Variants in EBF3 observed in about 807,000 individuals in gnomAD.
The protein encoded by EBF3 is EBF transcription factor 3.
In EBF3, 18 loss-of-function variants were observed where a neutral mutation model predicts 77.1. The ratio of observed to expected loss-of-function variants is 0.23; its 90% CI spans 0.16 to 0.35. EBF3 has a LOEUF of 0.35. Among genes scored for constraint, EBF3 ranks in the 10% least tolerant of loss-of-function variants. The pLI is 1.00. For synonymous variants in EBF3, 350 were observed against 343.5 expected, an observed-to-expected ratio of 1.02 and a Z score of -0.21; for missense variants, 558 against 860.0, an observed-to-expected ratio of 0.65 and a Z score of 4.39.
intron 7 of EBF3, among the ~76,000 whole-genome samples, chr10:129,874,943 C>T (rs1052690168): frequency 2.0e-5 from 3 of 152,118 alleles, no homozygotes; most frequent in African/African-American, 7.2e-5. Flanking sequence ...CACGGGGGTA[C>T]ACGGGCGATC....
chr10:129,922,223 AT>A (rs1856363121), intron 6 of EBF3, among the ~76,000 whole-genome samples: 1 of 152,166 alleles, frequency 6.6e-6, no homozygotes, highest in South Asian at 2.1e-4. Context: ...GCCCTCCTCA[AT>A]TATCCGAAGT....
Position 129,896,248 on chromosome 10 carries a change from A to T in EBF3, c.555-18399T>A, listed in dbSNP as rs891743655. Among the ~76,000 whole-genome samples, 3 of 152,374 alleles carry T rather than the reference A, an allele frequency of 2.0e-5. No individual in the cohort carries two copies. In the East Asian group the frequency reaches 5.8e-4, roughly 29 times the overall value. ...TCGTCCAACTCTGCCAAAAAAACCC[A>T]GGCCGGCTGCCGGATGTCAGGTGGC... On this transcript the variant is annotated intron_variant, in intron 6 of 16. Transcript: ENST00000440978.
intron 5 of EBF3, among the ~76,000 whole-genome samples, chr10:129,958,173 CAATATGTCTGCTCAGAAAT>C (rs1564926235): frequency 6.6e-6 from 1 of 152,232 alleles, no homozygotes; most frequent in African/African-American, 2.4e-5. Context: ...AGTGCTGTAA[CAATATGTCTGCTCAGAAAT>C]GGCATTTAGG....
chr10:129,917,319 A>G (rs1272097630), intron 6 of EBF3, among the ~76,000 whole-genome samples: 3 of 152,192 alleles, frequency 2.0e-5, no homozygotes, highest in Non-Finnish European at 4.4e-5. Flanking sequence ...CAGTGAGCCA[A>G]ATTCACACCA....
chr10:129,868,662 C>T (rs1852201252), intron 8 of EBF3, among the ~76,000 whole-genome samples: 1 of 152,118 alleles, frequency 6.6e-6, no homozygotes, highest in South Asian at 2.1e-4. Flanking sequence ...GGGGAGGGGA[C>T]CAAGAGGCCA....
chr10:129,930,008 A>G (rs1002131425), intron 6 of EBF3, among the ~76,000 whole-genome samples: 5 of 152,122 alleles, frequency 3.3e-5, no homozygotes, highest in Non-Finnish European at 7.4e-5. Context: ...CCCGGAGAGA[A>G]CAAAAACAGA....
At chr10:129,852,267 C>T (rs1007300698) in intron 10 of EBF3, among the ~76,000 whole-genome samples, 3 of 152,214 alleles carry the variant, frequency 2.0e-5, no homozygotes, top group Non-Finnish European at 2.9e-5. Flanking sequence ...TGCATTAAGT[C>T]ATAACAGAAG....
chr10:129,909,795 A>G (rs1317645864), intron 6 of EBF3, among the ~76,000 whole-genome samples: 3 of 151,976 alleles, frequency 2.0e-5, no homozygotes, highest in African/African-American at 7.3e-5. Context: ...AGCAGCGCCC[A>G]CCCCTGGGCT....
At position 129,837,791 on chromosome 10, in the gene EBF3, CAA is replaced by C; in HGVS notation, c.*150_*151del. 1 of 974,556 alleles carries C rather than the reference CAA, an allele frequency of 1.0e-6. No individual in the cohort carries two copies. The allele number at this position is 974,556 out of a possible 1,614,324, so 60.4% of individuals were successfully genotyped here. A position where few individuals can be genotyped will look rare whatever the true frequency, so the allele number is the denominator to read the frequency against. Reference sequence around the variant, plus strand: ...TAATAGTTTAAATAAAATCTTTAAACAAAGTCTTTTGTAGCATTTCAATTGCT... The same window carrying C: ...TAATAGTTTAAATAAAATCTTTAAACAGTCTTTTGTAGCATTTCAATTGCT... On this transcript the variant is annotated 3_prime_UTR_variant, in exon 17 of 17. Transcript: ENST00000440978.
In EBF3 at chr10:129,907,744, G is replaced by A. The variant is rs1337865035; in HGVS notation, c.555-29895C>T. On this transcript the variant is annotated intron_variant, in intron 6 of 16. Coordinates refer to ENST00000440978, the MANE Select transcript of EBF3 (RefSeq NM_001375380.1). ...AGAGCCATAAAAACTGATAGACTGC[G>A]ATCGTGAATTATAAATTGGTATTGA... Among the ~76,000 whole-genome samples the A allele has an allele frequency of 3.3e-5, 5 of 152,304 alleles. No individual in the cohort carries two copies. The East Asian group carries it at 7.7e-4, about 23-fold the overall frequency.
At chr10:129,959,130 C>CT in intron 4 of EBF3, 123 bp from the exon 5 acceptor site, 1 of 1,191,168 alleles carries the variant, frequency 8.4e-7, no homozygotes, top group Non-Finnish European at 1.2e-6. Context: ...GGCGATGCGC[C>CT]CCCCTCCCTC....
At chr10:129,919,209 C>T (rs1856099618) in intron 6 of EBF3, among the ~76,000 whole-genome samples, 1 of 152,170 alleles carries the variant, frequency 6.6e-6, no homozygotes, top group African/African-American at 2.4e-5. Flanking sequence ...GCAGCAGGGT[C>T]TCTGTGACTC....
In EBF3 at chr10:129,943,652, T is replaced by C. The variant is rs1240913455; in HGVS notation, c.554+13606A>G. ...ATCCAAAGTTTGAGTGTGTGAGACT[T>C]TTCCTCATTTATTTTCCTTCAGACA... On this transcript the variant is annotated intron_variant, in intron 6 of 16. Coordinates refer to ENST00000440978, the MANE Select transcript of EBF3 (RefSeq NM_001375380.1). This position sits in a 1 kb window ranked among gnomAD's most constrained non-coding sequence, Gnocchi z 8.8. Among the ~76,000 whole-genome samples, 2 of 152,032 alleles carry C rather than the reference T, an allele frequency of 1.3e-5. No homozygotes were observed. Among genetic ancestry groups the C allele is most frequent in the Non-Finnish European group, 2.9e-5 (2 of 68,038 alleles).
Position 129,867,226 on chromosome 10 carries a change from C to T in EBF3, c.954G>A (p.Arg318=). Reference sequence around the variant, plus strand: ...TCACTTCGACGACGCCAGGAATGTGCCTCGGCGGGGTCTGGACTCGGATGG... The same window carrying T: ...TCACTTCGACGACGCCAGGAATGTGTCTCGGCGGGGTCTGGACTCGGATGG... ...PHAIRVQTPP[R]HIPGVVEVTL... The change falls in exon 10 of 17, where the codon AGG becomes AGA. Residue 318 remains arginine (R), a synonymous_variant. Transcript: ENST00000440978. 6.2e-7 allele frequency: 1 copy of T among 1,614,122 alleles called. No individual in the cohort carries two copies. The highest frequency in any genetic ancestry group is 8.5e-7 in the Non-Finnish European group (1 of 1,180,028).
intron 6 of EBF3, among the ~76,000 whole-genome samples, chr10:129,919,979 G>A (rs529578121): frequency 8.2e-5 from 12 of 146,158 alleles, no homozygotes; most frequent in Admixed American, 3.4e-4. Flanking sequence ...AGTCTAGGGC[G>A]AGTATCTCCA....
At chr10:129,899,700 G>C (rs1294999531) in intron 6 of EBF3, among the ~76,000 whole-genome samples, 2 of 152,158 alleles carry the variant, frequency 1.3e-5, no homozygotes, top group Non-Finnish European at 2.9e-5. Flanking sequence ...GAACCGGAAA[G>C]GACGCCAGCA....
At position 129,840,097 on chromosome 10, in the gene EBF3, G is replaced by A. The variant is rs1023938899; in HGVS notation, c.1759+148C>T. 3.9e-6 allele frequency: 4 copies of A among 1,029,718 alleles called. No homozygotes were observed. The Admixed American group carries it at 1.1e-4, about 28-fold the overall frequency. The allele number at this position is 1,029,718 out of a possible 1,614,324, so 63.8% of individuals were successfully genotyped here. On this transcript the variant is annotated intron_variant, in intron 15 of 16. Coordinates refer to ENST00000440978, the MANE Select transcript of EBF3 (RefSeq NM_001375380.1). Reference sequence around the variant, plus strand: ...ACAGGGGTCCTCGCTGTGAACACCAGGCAGAGGTGGCACGCATCAAGGTGG... The same window carrying A: ...ACAGGGGTCCTCGCTGTGAACACCAAGCAGAGGTGGCACGCATCAAGGTGG...
intron 6 of EBF3, among the ~76,000 whole-genome samples, chr10:129,954,312 A>C (rs1385723222): frequency 6.6e-6 from 1 of 152,198 alleles, no homozygotes; most frequent in Non-Finnish European, 1.5e-5. Context: ...GCTATTAAAA[A>C]CTTGTTCCTC....
rs1418536488 is a variant in EBF3 at position 129,841,612 on chromosome 10, A to C, written c.1372+504T>G. Among the ~76,000 whole-genome samples the C allele has an allele frequency of 6.6e-6, 1 of 152,186 alleles. No individual in the cohort carries two copies. The highest frequency in any genetic ancestry group is 1.5e-5 in the Non-Finnish European group (1 of 68,046). On this transcript the variant is annotated intron_variant, in intron 13 of 16. Coordinates refer to ENST00000440978, the MANE Select transcript of EBF3 (RefSeq NM_001375380.1). The surrounding 1 kb of genome is among the most constrained non-coding windows in gnomAD (Gnocchi z 4.6). The stretch of plus-strand genomic sequence containing the variant: ...GCGCGCTTTTCAATGAAGAAAACTA[A>C]AATGGACCCAAATGGCAAGATGCAG...
Sources: gnomAD v4.1 joint callset for allele counts (sites outside exome capture counted in the v4.1 genomes callset) on GRCh38, gnomAD v4.1.1 for gene constraint, Gnocchi (gnomAD v3.1) non-coding constraint, MANE v1.5 for transcripts, NCBI Gene and HGNC (gene_info 2026-07-23, HGNC 2026-07-21) for gene names.